Variants in PCSK5 observed in about 807,000 individuals in gnomAD.
PCSK5 encodes proprotein convertase subtilisin/kexin type 5.
A neutral mutation model predicts 233.2 loss-of-function variants in PCSK5; 129 were observed. That is an observed-to-expected ratio of 0.55 (90% CI 0.48 to 0.64). The LOEUF is 0.64. Ranked by LOEUF, PCSK5 falls within the 30% of genes least tolerant of loss-of-function variation. The probability of loss-of-function intolerance (pLI) is 0.00; values close to 1 mark genes in which losing one functional copy is unlikely to be tolerated. For missense variants in PCSK5, 2,076 were observed against 2,430.1 expected, an observed-to-expected ratio of 0.85 and a Z score of 3.06; for synonymous variants, 825 against 879.2, an observed-to-expected ratio of 0.94 and a Z score of 1.09.
chr9:76,114,376 T>C (rs1358428139), intron 9 of PCSK5, among the ~76,000 whole-genome samples: 13 of 152,148 alleles, frequency 8.5e-5, no homozygotes, highest in Admixed American at 8.5e-4. Flanking sequence ...TGTCTACATA[T>C]ACACAGACAA....
intron 7 of PCSK5, among the ~76,000 whole-genome samples, chr9:76,079,617 A>G (rs1830763870): frequency 6.6e-6 from 1 of 152,154 alleles, no homozygotes; most frequent in South Asian, 2.1e-4. Flanking sequence ...AGCAAGGAGA[A>G]ATAGTTTGAC....
At chr9:75,922,415 G>A (rs1823295669) in intron 1 of PCSK5, among the ~76,000 whole-genome samples, 1 of 152,134 alleles carries the variant, frequency 6.6e-6, no homozygotes, top group African/African-American at 2.4e-5. Context: ...GATTTCTGGG[G>A]AGACGTTACA....
At chr9:76,320,053 C>T (rs1019706083) in intron 30 of PCSK5, among the ~76,000 whole-genome samples, 1 of 152,056 alleles carries the variant, frequency 6.6e-6, no homozygotes, top group Non-Finnish European at 1.5e-5. Flanking sequence ...TAAATATCGG[C>T]GTGCCCAGCC....
chr9:76,152,935 T>C (rs1349083064), intron 10 of PCSK5, among the ~76,000 whole-genome samples: 1 of 152,222 alleles, frequency 6.6e-6, no homozygotes, highest in Non-Finnish European at 1.5e-5. Context: ...AGAATATACC[T>C]GCCAGAGAAT....
intron 30 of PCSK5, among the ~76,000 whole-genome samples, chr9:76,314,757 C>T (rs550231437): frequency 6.6e-6 from 1 of 152,252 alleles, no homozygotes; most frequent in South Asian, 2.1e-4. Flanking sequence ...CTGCCTCAGC[C>T]TCCCGAGTAG....
rs890215290 is a variant in PCSK5, at chr9:75,891,185, G to C, written c.4G>C (p.Gly2Arg). Residue 2 changes from glycine (G) to arginine (R), a missense_variant, in exon 1 of 38, where the codon GGC becomes CGC. Transcript: ENST00000674117. Reference sequence around the variant, plus strand: ...GGAGCAGCGAGGCGCCGGGACCATGGGCTGGGGGAGCCGCTGCTGCTGCCC... The same window carrying C: ...GGAGCAGCGAGGCGCCGGGACCATGCGCTGGGGGAGCCGCTGCTGCTGCCC... M[G>R]WGSRCCCPGR... 5 of 1,473,764 alleles carry C rather than the reference G, an allele frequency of 3.4e-6. No homozygotes were observed. The African/African-American group carries it at 5.9e-5, about 17-fold the overall frequency. 91.3% of individuals were successfully genotyped at this position (1,473,764 alleles called of 1,614,324 possible).
At chr9:75,967,417 C>G (rs9969811) in intron 2 of PCSK5, among the ~76,000 whole-genome samples, 112,986 of 152,168 alleles carry the variant, frequency 0.74, 42,199 homozygotes, top group East Asian at 0.8. Context: ...TTGCTGCAAA[C>G]GACATGATTT....
chr9:76,079,876 G>C (rs1194548743), intron 7 of PCSK5, among the ~76,000 whole-genome samples: 5 of 151,930 alleles, frequency 3.3e-5, no homozygotes, highest in African/African-American at 1.2e-4. Context: ...TATTATGAAG[G>C]GATGTTGGAT....
At chr9:76,320,512 A>T in intron 30 of PCSK5, among the ~76,000 whole-genome samples, 1 of 90,506 alleles carries the variant, frequency 1.1e-5, no homozygotes. Context: ...TCTGTTATCT[A>T]GGCTGGAGTG....
chr9:76,280,636 T>A (rs1827834707), intron 24 of PCSK5, among the ~76,000 whole-genome samples: 1 of 151,948 alleles, frequency 6.6e-6, no homozygotes, highest in Non-Finnish European at 1.5e-5. Flanking sequence ...CATGGTGGGC[T>A]GAGGTGGGAG....
chr9:76,328,507 T>TTC (rs369408654), intron 33 of PCSK5, among the ~76,000 whole-genome samples: 1 of 151,814 alleles, frequency 6.6e-6, no homozygotes, highest in Non-Finnish European at 1.5e-5. Flanking sequence ...TTCTCACTCA[T>TTC]TCTCTCTCTC....
At chr9:76,308,580 C>G (rs1022042102) in intron 28 of PCSK5, 65 bp from the exon 29 acceptor site, 2 of 890,628 alleles carry the variant, frequency 2.2e-6, no homozygotes, top group Non-Finnish European at 3.7e-6. Context: ...AGATCTTTTT[C>G]AGTACTGGAA....
At chr9:76,275,465 C>T (rs1021878166) in intron 24 of PCSK5, among the ~76,000 whole-genome samples, 1 of 152,282 alleles carries the variant, frequency 6.6e-6, no homozygotes, top group Admixed American at 6.5e-5. Context: ...CTTTCTGTCA[C>T]CCAGGCTGGA....
intron 24 of PCSK5, among the ~76,000 whole-genome samples, chr9:76,257,976 A>G (rs1827038190): frequency 6.6e-6 from 1 of 152,178 alleles, no homozygotes; most frequent in African/African-American, 2.4e-5. Context: ...ATTAGGTGAG[A>G]CAAGTGAATA....
intron 5 of PCSK5, among the ~76,000 whole-genome samples, chr9:76,063,806 G>A (rs1248826993): frequency 2.3e-5 from 1 of 43,014 alleles, no homozygotes; most frequent in Non-Finnish European, 3.9e-5. Context: ...CCACAAAGCC[G>A]CCATTGTCAT....
intron 5 of PCSK5, among the ~76,000 whole-genome samples, chr9:76,064,558 C>T (rs1315831116): frequency 6.6e-6 from 1 of 150,544 alleles, no homozygotes; most frequent in Non-Finnish European, 1.5e-5. Flanking sequence ...GGCGGAGACG[C>T]TCCTCACTTC....
intron 1 of PCSK5, among the ~76,000 whole-genome samples, chr9:75,909,434 G>A (rs144529381): frequency 2.6e-5 from 4 of 151,652 alleles, no homozygotes; most frequent in East Asian, 2.0e-4. Flanking sequence ...GGTAGCTCAC[G>A]CCTGTAATCC....
At chr9:76,351,072 C>A in intron 36 of PCSK5, 144 bp downstream of exon 36, 1 of 549,504 alleles carries the variant, frequency 1.8e-6, no homozygotes, top group Non-Finnish European at 3.2e-6. Context: ...TTAAAACCTT[C>A]TACCGTTGCA....
intron 5 of PCSK5, among the ~76,000 whole-genome samples, chr9:76,037,609 T>A (rs1198093804): frequency 6.6e-6 from 1 of 152,134 alleles, no homozygotes; most frequent in Non-Finnish European, 1.5e-5. Context: ...TCCAATGTTT[T>A]TGCACTTAAG....
Sources: allele counts gnomAD v4.1 joint callset (sites outside exome capture counted in the v4.1 genomes callset), GRCh38; gene constraint gnomAD v4.1.1; transcripts MANE v1.5; gene names NCBI Gene and HGNC (gene_info 2026-07-23, HGNC 2026-07-21).